The following KIRREL3 variants were observed in gnomAD, a reference collection of about 807,000 sequenced individuals.
KIRREL3 encodes kin of IRRE-like protein 3.
Under a neutral mutation model 89.7 loss-of-function variants are expected in KIRREL3, and 36 were observed. That is an observed-to-expected ratio of 0.40 (90% CI 0.31 to 0.53). KIRREL3 has a LOEUF of 0.53. Among genes scored for constraint, KIRREL3 ranks in the 20% least tolerant of loss-of-function variants. The pLI is 0.49. For missense variants in KIRREL3, 864 were observed against 1,056.6 expected (o/e 0.82, Z 2.53); for synonymous variants, 445 against 441.4 (o/e 1.01, Z -0.10).
chr11:126,566,965 T>A lies in KIRREL3; in HGVS notation c.56-4053A>T, dbSNP rs1940565266. Among the ~76,000 whole-genome samples the A allele has an allele frequency of 6.6e-6, 1 of 152,234 alleles. No individual in the cohort carries two copies. The highest frequency in any genetic ancestry group is 2.4e-5 in the African/African-American group (1 of 41,460). On this transcript the variant is annotated intron_variant, in intron 1 of 16. Transcript: ENST00000525144. This position sits in a 1 kb window ranked among gnomAD's most constrained non-coding sequence, Gnocchi z 4.9. ...CACTAGCTGGTGATAGTGCCCATGC[T>A]GGAACCCATGGCTGATTTTTGGCTT...
intron 1 of KIRREL3, among the ~76,000 whole-genome samples, chr11:126,826,755 C>G (rs573990768): frequency 1.3e-5 from 2 of 152,260 alleles, no homozygotes; most frequent in East Asian, 3.9e-4. Context: ...CTACTCACCT[C>G]TAAGAATGTA....
intron 2 of KIRREL3, among the ~76,000 whole-genome samples, chr11:126,560,097 C>A (rs929989480): frequency 9.2e-5 from 14 of 152,158 alleles, no homozygotes; most frequent in African/African-American, 3.1e-4. Context: ...GATCACTCAT[C>A]AGCAGTTCCT....
rs572835566 is a variant in KIRREL3, at chr11:126,999,597, G to T, written c.55+858C>A. Among the ~76,000 whole-genome samples, 2 of 152,326 alleles carry T rather than the reference G, an allele frequency of 1.3e-5. No individual in the cohort carries two copies. Among genetic ancestry groups the T allele is most frequent in the South Asian group, 4.1e-4 (2 of 4,826 alleles). ...AGAGCGGGAAGGAGCCCATGTACTT[G>T]CCCCTCCAAACTCAATTCCACAGGT... is the stretch of plus-strand genomic sequence containing the variant. On this transcript the variant is annotated intron_variant, in intron 1 of 16. Coordinates refer to ENST00000525144, the MANE Select transcript of KIRREL3 (RefSeq NM_032531.4). The surrounding 1 kb of genome is among the most constrained non-coding windows in gnomAD (Gnocchi z 5.7).
intron 8 of KIRREL3, among the ~76,000 whole-genome samples, chr11:126,448,394 G>C (rs1157080626): frequency 6.6e-6 from 1 of 152,162 alleles, no homozygotes; most frequent in South Asian, 2.1e-4. Flanking sequence ...CATTGCCTGG[G>C]TTCAGTTCTC....
chr11:126,839,797 T>C (rs1447972682), intron 1 of KIRREL3, among the ~76,000 whole-genome samples: 1 of 152,214 alleles, frequency 6.6e-6, no homozygotes, highest in Non-Finnish European at 1.5e-5. Flanking sequence ...TACGCTAAAA[T>C]GTACATGCAC....
In KIRREL3 at chr11:126,576,568, G is replaced by A. The variant is rs1941267065; in HGVS notation, c.56-13656C>T. On this transcript the variant is annotated intron_variant, in intron 1 of 16. Coordinates refer to ENST00000525144, the MANE Select transcript of KIRREL3 (RefSeq NM_032531.4). The surrounding 1 kb of genome is among the most constrained non-coding windows in gnomAD (Gnocchi z 5.4). ...TTGGGCAAATTATTAAACATCCCTG[G>A]ACCTCAGCATCTCCATCTTCAAAAT... Among the ~76,000 whole-genome samples, 2 of 152,106 alleles carry A rather than the reference G, an allele frequency of 1.3e-5. No individual in the cohort carries two copies. The highest frequency in any genetic ancestry group is 2.4e-5 in the African/African-American group (1 of 41,390).
At chr11:126,625,729 A>G (rs1943757846) in intron 1 of KIRREL3, among the ~76,000 whole-genome samples, 1 of 152,014 alleles carries the variant, frequency 6.6e-6, no homozygotes, top group Non-Finnish European at 1.5e-5. Context: ...TGGTGTCTAG[A>G]ACATCTTTCC....
chr11:126,863,483 G>GTT, intron 1 of KIRREL3, among the ~76,000 whole-genome samples: 2 of 51,982 alleles, frequency 3.8e-5, no homozygotes, highest in Non-Finnish European at 3.7e-5. Flanking sequence ...GAGTGCGTGT[G>GTT]TGAGTGCGTG....
chr11:126,956,764 G>A (rs1298558786), intron 1 of KIRREL3, among the ~76,000 whole-genome samples: 1 of 152,112 alleles, frequency 6.6e-6, no homozygotes, highest in Non-Finnish European at 1.5e-5. Context: ...AAATATCCGA[G>A]TGCTTCAGTT....
chr11:126,442,470 G>C (rs117900104), intron 10 of KIRREL3, among the ~76,000 whole-genome samples: 178 of 152,228 alleles, frequency 1.2e-3, no homozygotes, highest in South Asian at 2.3e-3. Flanking sequence ...CAGGATAAAG[G>C]GAAATGGGGT....
intron 1 of KIRREL3, among the ~76,000 whole-genome samples, chr11:126,690,669 G>T (rs939062567): frequency 2.6e-5 from 4 of 152,248 alleles, no homozygotes; most frequent in Non-Finnish European, 4.4e-5. Context: ...AAGAGGGAAT[G>T]CAGGCTTCGC....
chr11:126,782,217 C>T lies in KIRREL3; in HGVS notation c.55+218238G>A, dbSNP rs143006708. Among the ~76,000 whole-genome samples, 1,021 of 152,228 alleles carry T rather than the reference C, an allele frequency of 6.7e-3. 11 individuals are homozygous for T. The highest frequency in any genetic ancestry group is 0.024 in the African/African-American group (979 of 41,518). ...CCTCCCGTCCCTACTCTAGAGGCCA[C>T]GAGTTCAAAATGATAAAGCTAAAAG... is the stretch of plus-strand genomic sequence containing the variant. On this transcript the variant is annotated intron_variant, in intron 1 of 16. Transcript: ENST00000525144. The surrounding 1 kb of genome is among the most constrained non-coding windows in gnomAD (Gnocchi z 4.1).
intron 1 of KIRREL3, among the ~76,000 whole-genome samples, chr11:126,678,579 G>A (rs541360873): frequency 5.7e-4 from 61 of 107,080 alleles, no homozygotes; most frequent in Non-Finnish European, 9.3e-4. Context: ...CAGCCTGGGC[G>A]ATAGAGCAAG....
chr11:126,471,947 G>C lies in KIRREL3; in HGVS notation c.591+1362C>G, dbSNP rs1009682841. ...AGAACCCCTGTTGGTAGACACAGCA[G>C]GGCAAGGGCTGTTGGGTAAGGGATC... is the stretch of plus-strand genomic sequence containing the variant. On this transcript the variant is annotated intron_variant, in intron 5 of 16. Transcript: ENST00000525144. The surrounding 1 kb of genome is among the most constrained non-coding windows in gnomAD (Gnocchi z 5.4). Among the ~76,000 whole-genome samples, 1 of 152,190 alleles carries C rather than the reference G, an allele frequency of 6.6e-6. No homozygotes were observed. The highest frequency in any genetic ancestry group is 2.4e-5 in the African/African-American group (1 of 41,438).
chr11:126,749,082 C>T (rs892424808), intron 1 of KIRREL3, among the ~76,000 whole-genome samples: 2 of 152,132 alleles, frequency 1.3e-5, no homozygotes, highest in African/African-American at 4.8e-5. Flanking sequence ...GGCCTCTGCC[C>T]AGTCACTCCT....
chr11:126,964,042 A>G (rs1303379457), intron 1 of KIRREL3, among the ~76,000 whole-genome samples: 1 of 152,162 alleles, frequency 6.6e-6, no homozygotes, highest in African/African-American at 2.4e-5. Flanking sequence ...CAAGGGACCT[A>G]TCTCATGAAT....
At chr11:126,573,480 C>T (rs1319125598) in intron 1 of KIRREL3, among the ~76,000 whole-genome samples, 2 of 150,934 alleles carry the variant, frequency 1.3e-5, no homozygotes, top group Non-Finnish European at 2.9e-5. Flanking sequence ...CCCCAGCCCA[C>T]ACAGCAAGGA....
chr11:126,661,650 T>C (rs1420497032), intron 1 of KIRREL3, among the ~76,000 whole-genome samples: 1 of 152,218 alleles, frequency 6.6e-6, no homozygotes, highest in Non-Finnish European at 1.5e-5. Flanking sequence ...CAGCTGTCTA[T>C]AGCTTCAGAT....
intron 5 of KIRREL3, among the ~76,000 whole-genome samples, chr11:126,464,488 G>GC (rs1377822250): frequency 1.3e-5 from 2 of 152,040 alleles, no homozygotes; most frequent in African/African-American, 4.8e-5. Flanking sequence ...CTGAGGTTGT[G>GC]CCACTGTACT....
Sources: allele counts gnomAD v4.1 joint callset (sites outside exome capture counted in the v4.1 genomes callset), GRCh38; gene constraint gnomAD v4.1.1; non-coding constraint Gnocchi (gnomAD v3.1); transcripts MANE v1.5; gene names NCBI Gene and HGNC (gene_info 2026-07-23, HGNC 2026-07-21).